RIOK3: variants seen among roughly 807,000 people sequenced by gnomAD.
RIOK3 encodes the protein serine/threonine-protein kinase RIO3.
RIOK3 carries 40 observed loss-of-function variants against 63.5 expected under a neutral mutation model. The observed-to-expected ratio is 0.63, with a 90% CI of 0.49 to 0.82. The LOEUF (loss-of-function observed/expected upper bound fraction) is 0.82. RIOK3 is among the 40% of genes least tolerant of loss of function. The pLI is 0.00. For synonymous variants in RIOK3, 193 were observed against 205.0 expected, an observed-to-expected ratio of 0.94 and a Z score of 0.50; for missense variants, 557 against 637.0, an observed-to-expected ratio of 0.87 and a Z score of 1.35.
intron 1 of RIOK3, among the ~76,000 whole-genome samples, chr18:23,460,469 A>G (rs1030431757): frequency 1.3e-5 from 2 of 152,208 alleles, no homozygotes; most frequent in African/African-American, 2.4e-5. Context: ...TTAAAAGAAA[A>G]GCCTTTGTGT....
At chr18:23,462,425 G>A (rs1032673539) in intron 1 of RIOK3, among the ~76,000 whole-genome samples, 12 of 152,188 alleles carry the variant, frequency 7.9e-5, no homozygotes, top group South Asian at 2.1e-4. Context: ...ACAGGCGCGC[G>A]CCACCGCGCC....
At chr18:23,460,950 G>C (rs987994339) in intron 1 of RIOK3, among the ~76,000 whole-genome samples, 1 of 152,236 alleles carries the variant, frequency 6.6e-6, no homozygotes, top group East Asian at 1.9e-4. Flanking sequence ...CTTACAGAAG[G>C]CTGGAAGAGT....
chr18:23,477,811 T>G (rs188149138), intron 11 of RIOK3, among the ~76,000 whole-genome samples: 1 of 150,968 alleles, frequency 6.6e-6, no homozygotes, highest in African/African-American at 2.4e-5. Context: ...GGTTCATGCC[T>G]GTAATCCCAG....
chr18:23,464,162 T>G (rs751721431), intron 3 of RIOK3, 44 bp from the exon 4 acceptor site: 2 of 1,605,504 alleles, frequency 1.2e-6, no homozygotes, highest in South Asian at 2.2e-5. Flanking sequence ...AAAACACTCA[T>G]AATGTGCTCC....
At chr18:23,457,521 A>G (rs1647293318) in intron 1 of RIOK3, among the ~76,000 whole-genome samples, 2 of 152,220 alleles carry the variant, frequency 1.3e-5, no homozygotes, top group Non-Finnish European at 2.9e-5. Context: ...AATAATAATT[A>G]TGTATCAATA....
chr18:23,466,747 T>G (rs2057411332), intron 6 of RIOK3, among the ~76,000 whole-genome samples: 2 of 149,304 alleles, frequency 1.3e-5, no homozygotes, highest in African/African-American at 2.5e-5. Flanking sequence ...TCCCAGCACC[T>G]TGGGAAGCCA....
At chr18:23,463,823 T>C (rs148993444) in intron 2 of RIOK3, 144 bp from the exon 3 acceptor site, 1 of 663,968 alleles carries the variant, frequency 1.5e-6, no homozygotes, top group East Asian at 2.6e-5. Context: ...TAAGGCTAGC[T>C]GTGCAGGAGA....
At chr18:23,469,334 TCTCC>T (rs2057434107) in intron 7 of RIOK3, among the ~76,000 whole-genome samples, 4 of 12,438 alleles carry the variant, frequency 3.2e-4, no homozygotes, top group Non-Finnish European at 5.6e-4. Flanking sequence ...TCTCTCTCTC[TCTCC>T]CCCTCTCTCC....
At chr18:23,463,256 G>T in intron 2 of RIOK3, 177 bp downstream of exon 2, 1 of 493,308 alleles carries the variant, frequency 2.0e-6, no homozygotes, top group Non-Finnish European at 3.6e-6. Context: ...TTATTATCTT[G>T]GACAAACCAC....
intron 9 of RIOK3, 27 bp from the exon 10 acceptor site, chr18:23,476,979 C>T (rs2057495318): frequency 5.7e-6 from 9 of 1,587,728 alleles, no homozygotes; most frequent in Admixed American, 1.7e-5. Context: ...TTATTCATTT[C>T]CTAATGTGTG....
intron 5 of RIOK3, among the ~76,000 whole-genome samples, chr18:23,465,848 A>G (rs1405772376): frequency 6.6e-6 from 1 of 152,196 alleles, no homozygotes; most frequent in Non-Finnish European, 1.5e-5. Context: ...TCCTTTGGCT[A>G]AAAGCAAGGT....
chr18:23,454,453 T>A (rs2057325046), intron 1 of RIOK3, among the ~76,000 whole-genome samples: 1 of 152,264 alleles, frequency 6.6e-6, no homozygotes, highest in South Asian at 2.1e-4. Context: ...GATACTGCGT[T>A]GGCAAATGTG....
chr18:23,453,391 C>T lies in RIOK3; in HGVS notation c.-49C>T. On this transcript the variant is annotated 5_prime_UTR_variant, in exon 1 of 13. Transcript: ENST00000339486. ...CTGTCTCCTCGGCGGAGCCTGCTGC[C>T]CGTCCTGCCACCTCTCTGCTCTGTT... 1 of 1,466,742 alleles carries T rather than the reference C, an allele frequency of 6.8e-7. No homozygotes were observed. Among genetic ancestry groups the T allele is most frequent in the Non-Finnish European group, 9.5e-7 (1 of 1,047,136 alleles). The allele number at this position is 1,466,742 out of a possible 1,614,324, so 90.9% of individuals were successfully genotyped here.
chr18:23,466,077 T>G, intron 5 of RIOK3, 56 bp from the exon 6 acceptor site: 1 of 1,405,474 alleles, frequency 7.1e-7, no homozygotes, highest in Non-Finnish European at 9.6e-7. Context: ...TTTTTGTTTT[T>G]GTTTTTAACT....
At position 23,464,246 on chromosome 18, in the gene RIOK3, T is replaced by C. The variant is rs763032945; in HGVS notation, c.366T>C (p.Tyr122=). The change falls in exon 4 of 13, where the codon TAT becomes TAC. Residue 122 remains tyrosine, a synonymous_variant. Transcript: ENST00000339486. ...SFENYRKVHP[Y]EDSDSSEDEV... ...AAAATTATCGAAAAGTGCATCCTTA[T>C]GAAGACAGCGATAGCTCTGAAGATG... The C allele has an allele frequency of 3.7e-6, 6 of 1,614,198 alleles. No homozygotes were observed. The highest frequency in any genetic ancestry group is 5.1e-6 in the Non-Finnish European group (6 of 1,180,008).
Position 23,453,378 on chromosome 18 carries a change from C to A in RIOK3, c.-62C>A, listed in dbSNP as rs2057315900. ...GCCCGTGTCCCGCCTGTCTCCTCGG[C>A]GGAGCCTGCTGCCCGTCCTGCCACC... On this transcript the variant is annotated 5_prime_UTR_variant, in exon 1 of 13. Coordinates refer to ENST00000339486, the MANE Select transcript of RIOK3 (RefSeq NM_003831.5). 1 of 1,364,100 alleles carries A rather than the reference C, an allele frequency of 7.3e-7. No individual in the cohort carries two copies. Among genetic ancestry groups the A allele is most frequent in the Non-Finnish European group, 1.0e-6 (1 of 955,024 alleles). 84.5% of individuals were successfully genotyped at this position (1,364,100 alleles called of 1,614,324 possible).
chr18:23,479,102 G>A (rs572014190), intron 11 of RIOK3: 66 of 431,472 alleles, frequency 1.5e-4, no homozygotes, highest in Non-Finnish European at 2.4e-4. Context: ...GGAGTGAGCC[G>A]CCATGCCTGG....
intron 7 of RIOK3, 141 bp from the exon 8 acceptor site, chr18:23,473,288 C>A: frequency 3.8e-6 from 2 of 529,216 alleles, no homozygotes; most frequent in Non-Finnish European, 6.7e-6. Context: ...TATTAAGATC[C>A]AAAACCTAAA....
intron 6 of RIOK3, among the ~76,000 whole-genome samples, chr18:23,466,952 T>C (rs2057412628): frequency 6.6e-6 from 1 of 151,426 alleles, no homozygotes; most frequent in Admixed American, 6.6e-5. Flanking sequence ...TAGTGAGCCA[T>C]AATCATGTCA....
Sources: allele counts gnomAD v4.1 joint callset (sites outside exome capture counted in the v4.1 genomes callset), GRCh38; gene constraint gnomAD v4.1.1; transcripts MANE v1.5; gene names NCBI Gene and HGNC (gene_info 2026-07-23, HGNC 2026-07-21).